FGL2: variants seen among roughly 807,000 people sequenced by gnomAD.
FGL2 encodes the protein fibrinogen like 2, also known as fibroleukin.
Under a neutral mutation model 36.0 loss-of-function variants are expected in FGL2, and 21 were observed. That is an observed-to-expected ratio of 0.58 (90% CI 0.41 to 0.84). The LOEUF (loss-of-function observed/expected upper bound fraction) is 0.84. Among genes scored for constraint, FGL2 ranks in the 40% least tolerant of loss-of-function variants. FGL2 has a pLI of 0.00. For synonymous variants in FGL2, 183 were observed against 190.7 expected, an observed-to-expected ratio of 0.96 and a Z score of 0.33; for missense variants, 444 against 526.3, an observed-to-expected ratio of 0.84 and a Z score of 1.53.
intron 1 of FGL2, among the ~76,000 whole-genome samples, chr7:77,197,686 A>G (rs1424013816): frequency 1.3e-5 from 2 of 152,208 alleles, no homozygotes; most frequent in African/African-American, 2.4e-5. Context: ...AGGATTGATC[A>G]TAAATTCATA....
Position 77,199,362 on chromosome 7 carries a change from T to C in FGL2, c.432A>G (p.Leu144=). 3 of 1,614,154 alleles carry C rather than the reference T, an allele frequency of 1.9e-6. No individual in the cohort carries two copies. Among genetic ancestry groups the C allele is most frequent in the East Asian group, 2.2e-5 (1 of 44,868 alleles). The change falls in exon 1 of 2, where the codon CTA becomes CTG. Residue 144 remains leucine (L), a synonymous_variant. Coordinates refer to ENST00000248598, the MANE Select transcript of FGL2 (RefSeq NM_006682.3). ...CATTGATCTCCTCTTTGGCATTCTTTAGCTCAGAGGACAGCTTGTTAACCT... is the reference window on the plus strand; with the variant it reads ...CATTGATCTCCTCTTTGGCATTCTTCAGCTCAGAGGACAGCTTGTTAACCT... ...ESEVNKLSSE[L]KNAKEEINVL... is the part of the protein sequence containing the mutation.
rs578018188 is a variant in FGL2 at position 77,195,108 on chromosome 7, T to C, written c.*1171A>G. ...GATATTATTGCTTTGGAGATAAAAT[T>C]GGCCTCAGAGTATGATAGCCTGTAA... On this transcript the variant is annotated 3_prime_UTR_variant, in exon 2 of 2. Coordinates refer to ENST00000248598, the MANE Select transcript of FGL2 (RefSeq NM_006682.3). 2.6e-5 allele frequency: 4 copies of C among 152,140 alleles called. No homozygotes were observed. Among genetic ancestry groups the C allele is most frequent in the Non-Finnish European group, 5.9e-5 (4 of 68,006 alleles). The allele number at this position is 152,140 out of a possible 1,614,324, so 9.4% of individuals were successfully genotyped here. A position where few individuals can be genotyped will look rare whatever the true frequency, so the allele number is the denominator to read the frequency against.
intron 1 of FGL2, chr7:77,198,315 A>T: frequency 1.0e-6 from 1 of 985,402 alleles, no homozygotes; most frequent in Middle Eastern, 5.2e-4. Flanking sequence ...CCTCACGTTC[A>T]TGGTAAGTAG....
chr7:77,196,160 C>T lies in FGL2; in HGVS notation c.*119G>A, dbSNP rs552540916. ...TTCAAATGCTGTGTAGCATAAGAAC[C>T]TAGCCGTCAGACATCATTTTTTAGC... is the stretch of plus-strand genomic sequence containing the variant. On this transcript the variant is annotated 3_prime_UTR_variant, in exon 2 of 2. Transcript: ENST00000248598. The surrounding 1 kb of genome is among the most constrained non-coding windows in gnomAD (Gnocchi z 4.2). 86 of 713,334 alleles carry T rather than the reference C, an allele frequency of 1.2e-4. 2 individuals carry two copies. Among genetic ancestry groups the T allele is most frequent in the African/African-American group, 5.2e-4 (29 of 56,104 alleles). 44.2% of individuals were successfully genotyped at this position (713,334 alleles called of 1,614,324 possible).
Position 77,197,297 on chromosome 7 carries a change from C to T in FGL2, c.614-312G>A, listed in dbSNP as rs117188714. Among the ~76,000 whole-genome samples, 652 of 152,352 alleles carry T rather than the reference C, an allele frequency of 4.3e-3. 2 individuals carry two copies. Among genetic ancestry groups the T allele is most frequent in the Non-Finnish European group, 7.0e-3 (475 of 68,026 alleles). ...TATTATGTAGTGAGGCCTACCTATA[C>T]GTTCTAGGCATGCTGCCAGACTGGG... On this transcript the variant is annotated intron_variant, in intron 1 of 1. Transcript: ENST00000248598.
rs1791855412 is a variant in FGL2 at position 77,195,780 on chromosome 7, C to T, written c.*499G>A. ...CAAGCGATTCTCCTGCCTCAGCCTCCCAAGTAGCTAGGATTACAGGCATGT... is the reference window on the plus strand; with the variant it reads ...CAAGCGATTCTCCTGCCTCAGCCTCTCAAGTAGCTAGGATTACAGGCATGT... On this transcript the variant is annotated 3_prime_UTR_variant, in exon 2 of 2. Coordinates refer to ENST00000248598, the MANE Select transcript of FGL2 (RefSeq NM_006682.3). The T allele has an allele frequency of 6.5e-6, 1 of 153,048 alleles. No individual in the cohort carries two copies. The highest frequency in any genetic ancestry group is 6.5e-5 in the Admixed American group (1 of 15,382). 9.5% of individuals were successfully genotyped at this position (153,048 alleles called of 1,614,324 possible). A position where few individuals can be genotyped will look rare whatever the true frequency, so the allele number is the denominator to read the frequency against.
At position 77,199,654 on chromosome 7, in the gene FGL2, C is replaced by T; in HGVS notation, c.140G>A (p.Gly47Glu). Residue 47 changes from glycine (G) to glutamate (E), a missense_variant, in exon 1 of 2, where the codon GGG becomes GAG. Gly to Glu is a moderately conservative substitution (Grantham distance 98, BLOSUM62 -2). Transcript: ENST00000248598. ...GCACTCCCCTGCCTCTTCGCATTTC[C>T]CTCTGCTTTCTAGTCTCACTGGGCA... The part of the protein sequence containing the change: ...DVCPVRLESR[G>E]KCEEAGECPY... 1 of 1,614,194 alleles carries T rather than the reference C, an allele frequency of 6.2e-7. No homozygotes were observed. Among genetic ancestry groups the T allele is most frequent in the Non-Finnish European group, 8.5e-7 (1 of 1,180,018 alleles).
intron 1 of FGL2, 68 bp from the exon 2 acceptor site, chr7:77,197,053 A>G (rs763097587): frequency 3.1e-6 from 3 of 955,734 alleles, no homozygotes; most frequent in Non-Finnish European, 4.7e-6. Context: ...AGAATTCTTT[A>G]TATGTACAAA....
In FGL2 at chr7:77,196,663, T is replaced by C; in HGVS notation, c.936A>G (p.Leu312=). 1 of 1,614,166 alleles carries C rather than the reference T, an allele frequency of 6.2e-7. No homozygotes were observed. Among genetic ancestry groups the C allele is most frequent in the Non-Finnish European group, 8.5e-7 (1 of 1,179,946 alleles). ...IDLEDFNGVE[L]YALYDQFYVA... ...CATAAAACTGATCATACAAGGCATATAGTTCGACACCATTAAAGTCTTCAA... is the reference window on the plus strand; with the variant it reads ...CATAAAACTGATCATACAAGGCATACAGTTCGACACCATTAAAGTCTTCAA... Residue 312 remains leucine (L), a synonymous_variant, in exon 2 of 2, where the codon CTA becomes CTG. Coordinates refer to ENST00000248598, the MANE Select transcript of FGL2 (RefSeq NM_006682.3). The surrounding 1 kb of genome is among the most constrained non-coding windows in gnomAD (Gnocchi z 4.2).
chr7:77,198,367 C>A, intron 1 of FGL2: 1 of 965,478 alleles, frequency 1.0e-6, no homozygotes, highest in Non-Finnish European at 1.2e-6. Context: ...ATGAGACAGT[C>A]AGCAACAGTG....
At position 77,193,484 on chromosome 7, in the gene FGL2, G is replaced by T. The variant is rs966468407; in HGVS notation, c.*2795C>A. On this transcript the variant is annotated 3_prime_UTR_variant, in exon 2 of 2. Coordinates refer to ENST00000248598, the MANE Select transcript of FGL2 (RefSeq NM_006682.3). ...AACATAAACCTAATTATACATAAAA[G>T]AAAAGAATTTTAAACAAGAGCTTAT... 1 of 152,060 alleles carries T rather than the reference G, an allele frequency of 6.6e-6. No individual in the cohort carries two copies. Among genetic ancestry groups the T allele is most frequent in the South Asian group, 2.1e-4 (1 of 4,822 alleles). 9.4% of individuals were successfully genotyped at this position (152,060 alleles called of 1,614,324 possible).
rs1481126778 is a variant in FGL2 at position 77,196,793 on chromosome 7, T to C, written c.806A>G (p.Gln269Arg). The change falls in exon 2 of 2, where the codon CAA becomes CGA. Residue 269 changes from glutamine (Q) to arginine (R), a missense_variant. By Grantham distance (43) the Gln-to-Arg change is conservative (BLOSUM62 1). Transcript: ENST00000248598. The surrounding 1 kb of genome is among the most constrained non-coding windows in gnomAD (Gnocchi z 4.2). ...GTTTCCAAAGCCTGCTTTGTAGTCT[T>C]GCCATGTTCTGGTGAAGTTGGTGCT... ...DGSTNFTRTWQDYKAGFGNLR... is the reference protein window; with the variant it reads ...DGSTNFTRTWRDYKAGFGNLR... The C allele has an allele frequency of 4.3e-6, 7 of 1,614,082 alleles. No homozygotes were observed. In the African/African-American group the frequency reaches 9.3e-5, roughly 22 times the overall value.
At chr7:77,199,036 ATATT>A in intron 1 of FGL2, 141 bp downstream of exon 1, 1 of 689,536 alleles carries the variant, frequency 1.5e-6, no homozygotes, top group Non-Finnish European at 2.4e-6. Flanking sequence ...ATTTGAGAAG[ATATT>A]TATTTTTTCC....
chr7:77,199,144 T>C, intron 1 of FGL2, 37 bp downstream of exon 1: 1 of 1,560,840 alleles, frequency 6.4e-7, no homozygotes, highest in South Asian at 1.2e-5. Flanking sequence ...TGTATAACAT[T>C]TATGAACATA....
Position 77,199,519 on chromosome 7 carries a change from A to G in FGL2, c.275T>C (p.Leu92Pro). The change falls in exon 1 of 2, where the codon CTA (leucine) becomes CCA (proline). Residue 92 changes from leucine (L) to proline (P), a missense_variant. Transcript: ENST00000248598. ...VQNLKEIVNS[L>P]KKSCQDCKLQ... ...CTTGCAGTCTTGGCAAGATTTCTTTAGACTATTTACGATTTCCTTGAGGTT... is the reference window on the plus strand; with the variant it reads ...CTTGCAGTCTTGGCAAGATTTCTTTGGACTATTTACGATTTCCTTGAGGTT... The G allele has an allele frequency of 6.2e-7, 1 of 1,614,078 alleles. No individual in the cohort carries two copies. The highest frequency in any genetic ancestry group is 8.5e-7 in the Non-Finnish European group (1 of 1,180,012).
At position 77,196,545 on chromosome 7, in the gene FGL2, C is replaced by G; in HGVS notation, c.1054G>C (p.Asp352His). 6.2e-7 allele frequency: 1 copy of G among 1,614,080 alleles called. No homozygotes were observed. Among genetic ancestry groups the G allele is most frequent in the Non-Finnish European group, 8.5e-7 (1 of 1,179,988 alleles). Reference protein sequence around the residue: ...ALRFNKHYNHDLKFFTTPDKD... With the variant: ...ALRFNKHYNHHLKFFTTPDKD... ...TCTGGAGTGGTGAAAAACTTCAGAT[C>G]GTGGTTGTAATGTTTGTTGAAACGT... is the stretch of plus-strand genomic sequence containing the variant. The change falls in exon 2 of 2, where the codon GAT becomes CAT. Residue 352 changes from aspartate to histidine, a missense_variant. Asp to His is a moderately conservative substitution (Grantham distance 81, BLOSUM62 -1). Transcript: ENST00000248598. The surrounding 1 kb of genome is among the most constrained non-coding windows in gnomAD (Gnocchi z 4.2).
Position 77,196,303 on chromosome 7 carries a change from G to A in FGL2, c.1296C>T (p.Ile432=), listed in dbSNP as rs746556008. The A allele has an allele frequency of 6.2e-7, 1 of 1,613,890 alleles. No homozygotes were observed. The highest frequency in any genetic ancestry group is 2.2e-5 in the East Asian group (1 of 44,864). ...KSSFKEAKMM[I]RPKHFKP ...TTTATGGCTTAAAGTGCTTGGGTCT[G>A]ATCATCATCTTAGCCTCTTTGAAGG... is the stretch of plus-strand genomic sequence containing the variant. The change falls in exon 2 of 2, where the codon ATC becomes ATT. Residue 432 remains isoleucine (I), a synonymous_variant. Transcript: ENST00000248598. The surrounding 1 kb of genome is among the most constrained non-coding windows in gnomAD (Gnocchi z 4.2).
Position 77,196,353 on chromosome 7 carries a change from C to G in FGL2, c.1246G>C (p.Ala416Pro), listed in dbSNP as rs1251925934. ...FWGTWPGVSE[A>P]HPGGYKSSFK... ...GAGGACTTGTAGCCACCAGGGTGTG[C>G]CTCACTTACACCAGGCCAGGTACCC... The change falls in exon 2 of 2, where the codon GCA becomes CCA. Residue 416 changes from alanine to proline, a missense_variant. By Grantham distance (27) the Ala-to-Pro change is conservative. Coordinates refer to ENST00000248598, the MANE Select transcript of FGL2 (RefSeq NM_006682.3). This position sits in a 1 kb window ranked among gnomAD's most constrained non-coding sequence, Gnocchi z 4.2. 1 of 1,614,116 alleles carries G rather than the reference C, an allele frequency of 6.2e-7. No homozygotes were observed. Among genetic ancestry groups the G allele is most frequent in the East Asian group, 2.2e-5 (1 of 44,866 alleles).
chr7:77,198,271 C>T (rs1791913710), intron 1 of FGL2: 1 of 985,400 alleles, frequency 1.0e-6, no homozygotes, highest in African/African-American at 1.7e-5. Flanking sequence ...GATACTGTCT[C>T]TAAATGAAAG....
Sources: gnomAD v4.1 joint callset for allele counts (sites outside exome capture counted in the v4.1 genomes callset) on GRCh38, gnomAD v4.1.1 for gene constraint, Gnocchi (gnomAD v3.1) non-coding constraint, MANE v1.5 for transcripts, NCBI Gene and HGNC (gene_info 2026-07-23, HGNC 2026-07-21) for gene names.